SPNS2: variants seen among roughly 807,000 people sequenced by gnomAD.
The protein encoded by SPNS2 is sphingosine-1-phosphate transporter SPNS2.
SPNS2 carries 37 observed loss-of-function variants against 57.6 expected under a neutral mutation model. That is an observed-to-expected ratio of 0.64 (90% CI 0.49 to 0.85). The LOEUF is 0.85. Among genes scored for constraint, SPNS2 ranks in the 40% least tolerant of loss-of-function variants. The probability of loss-of-function intolerance (pLI) is 0.00; values close to 1 mark genes in which losing one functional copy is unlikely to be tolerated. For synonymous variants in SPNS2, 440 were observed against 346.9 expected (o/e 1.27, Z -2.98); for missense variants, 831 against 779.1 (o/e 1.07, Z -0.79).
intron 1 of SPNS2, among the ~76,000 whole-genome samples, chr17:4,505,517 T>C (rs1383216246): frequency 6.6e-6 from 1 of 152,214 alleles, no homozygotes; most frequent in Non-Finnish European, 1.5e-5. Context: ...GCCCTGACAA[T>C]GAGGCCGCGC....
In SPNS2 at chr17:4,507,088, G is replaced by A. The variant is rs1376144419; in HGVS notation, c.371-6159G>A. 2.6e-5 allele frequency among the ~76,000 whole-genome samples: 4 copies of A among 152,196 alleles called. No homozygotes were observed. The East Asian group carries it at 5.8e-4, about 22-fold the overall frequency. ...CCCTAGGCTGGTGGGGTGCCAGCGG[G>A]GCCGGGCTGTGGGTTCCCAGCCTTA... On this transcript the variant is annotated intron_variant, in intron 1 of 12. Transcript: ENST00000329078.
In SPNS2 at chr17:4,520,435, C is replaced by T. The variant is rs577403523; in HGVS notation, c.437-4622C>T. ...AAGGTCTGGGTCACGTCCCTCCAGT[C>T]CCTCGTCACCCCCCCGGGAGGGGGC... On this transcript the variant is annotated intron_variant, in intron 2 of 12. Transcript: ENST00000329078. Among the ~76,000 whole-genome samples, 35 of 152,278 alleles carry T rather than the reference C, an allele frequency of 2.3e-4. No homozygotes were observed. In the South Asian group the frequency reaches 6.6e-3, roughly 29 times the overall value.
chr17:4,506,732 C>T (rs768366741), intron 1 of SPNS2, among the ~76,000 whole-genome samples: 1 of 152,130 alleles, frequency 6.6e-6, no homozygotes, highest in Non-Finnish European at 1.5e-5. Flanking sequence ...GGCCAAGGCT[C>T]TGGGCTGGGG....
At chr17:4,529,097 G>A (rs376704906) in intron 3 of SPNS2, among the ~76,000 whole-genome samples, 26 of 151,034 alleles carry the variant, frequency 1.7e-4, no homozygotes, top group Middle Eastern at 3.4e-3. Context: ...CAACACACCC[G>A]GCTAATTTTT....
At position 4,499,027 on chromosome 17, in the gene SPNS2, GC is replaced by G. The variant is rs1904361034; in HGVS notation, c.-19del. On this transcript the variant is annotated 5_prime_UTR_variant, in exon 1 of 13. Transcript: ENST00000329078. The surrounding 1 kb of genome is among the most constrained non-coding windows in gnomAD (Gnocchi z 5.2). ...GGGCCCCGCGCCCCCCGCGCCCCCC[GC>G]CGCCCCGATCCGGGCCGGCATGATG... is the stretch of plus-strand genomic sequence containing the variant. The G allele has an allele frequency of 1.0e-6, 1 of 980,780 alleles. No individual in the cohort carries two copies. Among genetic ancestry groups the G allele is most frequent in the Non-Finnish European group, 1.2e-6 (1 of 827,526 alleles). 60.8% of individuals were successfully genotyped at this position (980,780 alleles called of 1,614,324 possible).
chr17:4,516,923 C>T (rs978191725), intron 2 of SPNS2, among the ~76,000 whole-genome samples: 1 of 152,188 alleles, frequency 6.6e-6, no homozygotes, highest in Non-Finnish European at 1.5e-5. Flanking sequence ...TCAATATAAA[C>T]ATTTTTATCA....
intron 11 of SPNS2, 136 bp from the exon 12 acceptor site, chr17:4,536,740 CTCTCCCCACCCCTGGGCTCTCCCA>C: frequency 2.9e-6 from 2 of 678,156 alleles, no homozygotes; most frequent in East Asian, 2.7e-5. Context: ...TCTCTCTCTC[CTCTCCCCACCCCTGGGCTCTCCCA>C]TCTCCCCCTG....
rs572109858 is a variant in SPNS2, at chr17:4,536,007, G to T, written c.1345-69G>T. ...GGTGTGGGGGCTTCAGAAGTGCCAC[G>T]GCCCGGGGCCAGGGCCAAGCGCGTG... On this transcript the variant is annotated intron_variant, in intron 9 of 12. Transcript: ENST00000329078. 37 of 1,388,762 alleles carry T rather than the reference G, an allele frequency of 2.7e-5. No individual in the cohort carries two copies. The African/African-American group carries it at 2.7e-4, about 10-fold the overall frequency. 86.0% of individuals were successfully genotyped at this position (1,388,762 alleles called of 1,614,324 possible).
chr17:4,532,448 C>T (rs1905529139), intron 5 of SPNS2, 94 bp from the exon 6 acceptor site: 1 of 1,570,268 alleles, frequency 6.4e-7, no homozygotes, highest in African/African-American at 1.4e-5. Context: ...AAGCCTATGG[C>T]CCAGAGAAGG....
intron 7 of SPNS2, 45 bp downstream of exon 7, chr17:4,533,174 A>C: frequency 6.3e-7 from 1 of 1,583,150 alleles, no homozygotes. Context: ...GGGACCTCGG[A>C]CAGGAGAGCC....
At chr17:4,528,888 C>T (rs1393571436) in intron 3 of SPNS2, among the ~76,000 whole-genome samples, 1 of 152,062 alleles carries the variant, frequency 6.6e-6, no homozygotes, top group African/African-American at 2.4e-5. Context: ...ATCCTCCTGT[C>T]TCAGTCTCCT....
Position 4,512,053 on chromosome 17 carries a change from T to C in SPNS2, c.371-1194T>C, listed in dbSNP as rs1037032332. 6.6e-6 allele frequency among the ~76,000 whole-genome samples: 1 copy of C among 152,326 alleles called. No individual in the cohort carries two copies. Among genetic ancestry groups the C allele is most frequent in the Admixed American group, 6.5e-5 (1 of 15,308 alleles). On this transcript the variant is annotated intron_variant, in intron 1 of 12. Coordinates refer to ENST00000329078, the MANE Select transcript of SPNS2 (RefSeq NM_001124758.3). The surrounding 1 kb of genome is among the most constrained non-coding windows in gnomAD (Gnocchi z 5.2). ...CAGCCTCCTAGGGCTGTGTGGGGATTATACAGGCATTTAATGCTCAGTTCG... is the reference window on the plus strand; with the variant it reads ...CAGCCTCCTAGGGCTGTGTGGGGATCATACAGGCATTTAATGCTCAGTTCG...
At position 4,499,342 on chromosome 17, in the gene SPNS2, C is replaced by A; in HGVS notation, c.295C>A (p.Arg99Ser). ...AQQPKPASLG[R>S]GRGAAAAILS... is the part of the protein sequence containing the mutation. Reference sequence around the variant, plus strand: ...GCAGCCCAAACCGGCCAGCTTGGGCCGCGGGCGGGGGGCAGCCGCCGCCAT... The same window carrying A: ...GCAGCCCAAACCGGCCAGCTTGGGCAGCGGGCGGGGGGCAGCCGCCGCCAT... The change falls in exon 1 of 13, where the codon CGC becomes AGC. Residue 99 changes from arginine to serine, a missense_variant. Arg to Ser is a moderately radical substitution (Grantham distance 110). This residue lies in a region of SPNS2 where 305 missense variants were observed against 378.3 expected (regional missense o/e 0.81). Coordinates refer to ENST00000329078, the MANE Select transcript of SPNS2 (RefSeq NM_001124758.3). This position sits in a 1 kb window ranked among gnomAD's most constrained non-coding sequence, Gnocchi z 5.2. The A allele has an allele frequency of 6.8e-7, 1 of 1,462,982 alleles. No individual in the cohort carries two copies. The highest frequency in any genetic ancestry group is 9.0e-7 in the Non-Finnish European group (1 of 1,112,886). 90.6% of individuals were successfully genotyped at this position (1,462,982 alleles called of 1,614,324 possible).
At position 4,530,726 on chromosome 17, in the gene SPNS2, C is replaced by T. The variant is rs1905428410; in HGVS notation, c.668C>T (p.Thr223Ile). Residue 223 changes from threonine (T) to isoleucine (I), a missense_variant, in exon 4 of 13, where the codon ACC (threonine) becomes ATC (isoleucine). By Grantham distance (89) the Thr-to-Ile change is moderately conservative. This residue lies in a region of SPNS2 where 305 missense variants were observed against 378.3 expected (regional missense o/e 0.81). Coordinates refer to ENST00000329078, the MANE Select transcript of SPNS2 (RefSeq NM_001124758.3). ...IAPTIIGDLF[T>I]KNTRTLMLSV... is the part of the protein sequence containing the mutation. ...CCCACTATCATTGGCGACCTCTTCA[C>T]CAAGAACACGCGTACGCTCATGCTG... is the stretch of plus-strand genomic sequence containing the variant. 6.2e-7 allele frequency: 1 copy of T among 1,614,118 alleles called. No homozygotes were observed. Among genetic ancestry groups the T allele is most frequent in the Non-Finnish European group, 8.5e-7 (1 of 1,179,976 alleles).
intron 12 of SPNS2, 82 bp from the exon 13 acceptor site, chr17:4,537,371 A>G (rs1905906649): frequency 2.5e-6 from 1 of 392,782 alleles, no homozygotes; most frequent in Non-Finnish European, 5.1e-6. Context: ...GTCTCCAAAC[A>G]GCAAGAAAAG....
At chr17:4,513,128 G>A (rs951919267) in intron 1 of SPNS2, 119 bp from the exon 2 acceptor site, 6 of 1,113,358 alleles carry the variant, frequency 5.4e-6, no homozygotes, top group Admixed American at 3.6e-5. Context: ...TCGCAGCAGA[G>A]CAGGAGTGCC....
At position 4,526,603 on chromosome 17, in the gene SPNS2, C is replaced by CA. The variant is rs370457376; in HGVS notation, c.573+1423dup. Among the ~76,000 whole-genome samples, 796 of 128,432 alleles carry CA rather than the reference C, an allele frequency of 6.2e-3. 20 individuals carry two copies. The highest frequency in any genetic ancestry group is 0.047 in the Admixed American group (595 of 12,582). The allele number at this position is 128,432 out of a possible 152,430, so 84.3% of individuals were successfully genotyped here. A position where few individuals can be genotyped will look rare whatever the true frequency, so the allele number is the denominator to read the frequency against. The stretch of plus-strand genomic sequence containing the variant: ...GGGTGACAAGAGCAAAACTCCATCT[C>CA]AAAAAAAAAAAAAGAAAAAGAAAGA... On this transcript the variant is annotated intron_variant, in intron 3 of 12. Transcript: ENST00000329078.
At chr17:4,533,632 G>C (rs757671474) in intron 8 of SPNS2, 156 bp from the exon 9 acceptor site, 7 of 1,047,484 alleles carry the variant, frequency 6.7e-6, no homozygotes, top group Non-Finnish European at 9.8e-6. Flanking sequence ...CGTGGGCATG[G>C]CTTGAAGTCT....
chr17:4,515,765 G>A (rs994998822), intron 2 of SPNS2, among the ~76,000 whole-genome samples: 1 of 150,882 alleles, frequency 6.6e-6, no homozygotes, highest in Non-Finnish European at 1.5e-5. Flanking sequence ...CAAAGGGCCA[G>A]GGCTGAGAGC....
Sources: gnomAD v4.1 joint callset for allele counts (sites outside exome capture counted in the v4.1 genomes callset) on GRCh38, gnomAD v4.1.1 for gene constraint, gnomAD v4.1.1 regional missense constraint, Gnocchi (gnomAD v3.1) non-coding constraint, MANE v1.5 for transcripts, NCBI Gene and HGNC (gene_info 2026-07-23, HGNC 2026-07-21) for gene names.